The following ARHGEF7 variants were observed in gnomAD, a reference collection of about 807,000 sequenced individuals.
ARHGEF7 encodes the protein PAK-interacting exchange factor beta.
A neutral mutation model predicts 109.8 loss-of-function variants in ARHGEF7; 33 were observed. The observed-to-expected ratio is 0.30, with a 90% CI of 0.23 to 0.40. ARHGEF7 has a LOEUF of 0.40. ARHGEF7 is among the 10% of genes least tolerant of loss of function. ARHGEF7 has a pLI of 1.00. For synonymous variants in ARHGEF7, 458 were observed against 424.6 expected (o/e 1.08, Z -0.97); for missense variants, 938 against 1,098.5 (o/e 0.85, Z 2.07).
rs16941356 is a variant in ARHGEF7, at chr13:111,153,472, G to A, written c.166-433G>A. Among the ~76,000 whole-genome samples, 154 of 152,290 alleles carry A rather than the reference G, an allele frequency of 1.0e-3. 3 individuals are homozygous for A. In the East Asian group the frequency reaches 0.026, roughly 26 times the overall value. ...AGACTGGACAGGAGGAGGCGGCGGT[G>A]GCCGCGCGCGGGGCCAACCGGTGGG... On this transcript the variant is annotated intron_variant, in intron 1 of 21. Transcript: ENST00000646102.
At chr13:111,224,795 C>T (rs2084964428) in intron 5 of ARHGEF7, among the ~76,000 whole-genome samples, 2 of 152,130 alleles carry the variant, frequency 1.3e-5, no homozygotes, top group Non-Finnish European at 2.9e-5. Flanking sequence ...AAAAGTACCC[C>T]AGAACCTTGC....
chr13:111,239,552 T>C lies in ARHGEF7; in HGVS notation c.760-4320T>C, dbSNP rs191883054. Among the ~76,000 whole-genome samples the C allele has an allele frequency of 3.9e-5, 6 of 152,278 alleles. No homozygotes were observed. The highest frequency in any genetic ancestry group is 7.4e-5 in the Non-Finnish European group (5 of 68,014). On this transcript the variant is annotated intron_variant, in intron 6 of 21. Coordinates refer to ENST00000646102, the MANE Select transcript of ARHGEF7 (RefSeq NM_001354046.2). The surrounding 1 kb of genome is among the most constrained non-coding windows in gnomAD (Gnocchi z 4.3). Reference sequence around the variant, plus strand: ...GGCGTTGCTTCGTCTCTTCATCTTCTGCTTTGCCCTTGGCTTTTCTCCACC... The same window carrying C: ...GGCGTTGCTTCGTCTCTTCATCTTCCGCTTTGCCCTTGGCTTTTCTCCACC...
intron 4 of ARHGEF7, among the ~76,000 whole-genome samples, chr13:111,216,979 G>C (rs2083230146): frequency 6.6e-6 from 1 of 152,236 alleles, no homozygotes; most frequent in Non-Finnish European, 1.5e-5. Flanking sequence ...ACTGTTTCTT[G>C]TCAGTTTGGC....
intron 2 of ARHGEF7, among the ~76,000 whole-genome samples, chr13:111,173,028 G>GA (rs2077746964): frequency 6.6e-6 from 1 of 152,164 alleles, no homozygotes; most frequent in Non-Finnish European, 1.5e-5. Flanking sequence ...AAAAGTATAT[G>GA]AAAAAACCAT....
chr13:111,147,749 G>C (rs1024011092), intron 1 of ARHGEF7, among the ~76,000 whole-genome samples: 3 of 138,606 alleles, frequency 2.2e-5, no homozygotes, highest in Admixed American at 7.9e-5. Flanking sequence ...CCAGGCTGGA[G>C]TGCAGTGGCG....
At chr13:111,235,382 G>A (rs756170251) in intron 6 of ARHGEF7, among the ~76,000 whole-genome samples, 3 of 151,886 alleles carry the variant, frequency 2.0e-5, no homozygotes, top group East Asian at 1.9e-4. Context: ...TACCTTTTTC[G>A]TTTTCCTTCT....
intron 6 of ARHGEF7, 109 bp downstream of exon 6, chr13:111,233,402 T>C (rs1403755332): frequency 1.2e-6 from 1 of 841,330 alleles, no homozygotes; most frequent in Non-Finnish European, 2.0e-6. Context: ...GGAAATAAAG[T>C]TCATTCATCT....
At chr13:111,269,085 TG>T (rs2091915362) in intron 9 of ARHGEF7, among the ~76,000 whole-genome samples, 1 of 152,192 alleles carries the variant, frequency 6.6e-6, no homozygotes, top group African/African-American at 2.4e-5. Context: ...ACGTCCCGCT[TG>T]GGAGCGTGGG....
rs770804457 is a variant in ARHGEF7, at chr13:111,301,532, G to A, written c.2466G>A (p.Gln822=). The stretch of plus-strand genomic sequence containing the variant: ...AGGATGAAGTTCAAGAATTAAGACA[G>A]GTACGTCATAATCCATCTTTAAATC... ...ALKDEVQELR[Q]DNKKMKKSLE... is the part of the protein sequence containing the mutation. The change falls in exon 21 of 22, where the codon CAG becomes CAA. Residue 822 remains glutamine, a splice_region_variant and synonymous_variant. Transcript: ENST00000646102. 8.7e-6 allele frequency: 14 copies of A among 1,603,458 alleles called. No individual in the cohort carries two copies. In the East Asian group the frequency reaches 8.9e-5, roughly 10 times the overall value.
chr13:111,294,907 A>G lies in ARHGEF7; in HGVS notation c.2311+2613A>G, dbSNP rs1042995925. On this transcript the variant is annotated intron_variant, in intron 19 of 21. Coordinates refer to ENST00000646102, the MANE Select transcript of ARHGEF7 (RefSeq NM_001354046.2). ...GCTTGCCACAAGTATATAATAAGCTATATTAATTGTGTTTTGCATAAAATT... is the reference window on the plus strand; with the variant it reads ...GCTTGCCACAAGTATATAATAAGCTGTATTAATTGTGTTTTGCATAAAATT... The G allele has an allele frequency of 5.1e-6, 5 of 985,746 alleles. No homozygotes were observed. In the African/African-American group the frequency reaches 8.7e-5, roughly 17 times the overall value. 61.1% of individuals were successfully genotyped at this position (985,746 alleles called of 1,614,324 possible). A position where few individuals can be genotyped will look rare whatever the true frequency, so the allele number is the denominator to read the frequency against.
chr13:111,173,469 C>T (rs752101305), intron 2 of ARHGEF7, among the ~76,000 whole-genome samples: 5 of 152,212 alleles, frequency 3.3e-5, no homozygotes, highest in East Asian at 1.9e-4. Context: ...GCTCCACCTT[C>T]GTACCTACTT....
At chr13:111,256,013 T>A (rs2090378181) in intron 8 of ARHGEF7, among the ~76,000 whole-genome samples, 1 of 152,208 alleles carries the variant, frequency 6.6e-6, no homozygotes, top group Non-Finnish European at 1.5e-5. Context: ...ATTTTAATTA[T>A]TTTTTTCCTA....
intron 9 of ARHGEF7, among the ~76,000 whole-genome samples, chr13:111,271,018 A>C (rs2092100030): frequency 6.6e-6 from 1 of 152,204 alleles, no homozygotes; most frequent in Non-Finnish European, 1.5e-5. Flanking sequence ...TCCACATAGC[A>C]GGGGTCCGCC....
intron 1 of ARHGEF7, among the ~76,000 whole-genome samples, chr13:111,149,609 G>A (rs1350240862): frequency 6.6e-6 from 1 of 152,128 alleles, no homozygotes; most frequent in Non-Finnish European, 1.5e-5. Context: ...GTGTATTTTT[G>A]TTTGAAGATA....
rs576044714 is a variant in ARHGEF7 at position 111,268,069 on chromosome 13, C to T, written c.1073+399C>T. On this transcript the variant is annotated intron_variant, in intron 9 of 21. Coordinates refer to ENST00000646102, the MANE Select transcript of ARHGEF7 (RefSeq NM_001354046.2). ...TTCAGATTAATACAGGTTTTATACA[C>T]AAAACATTACATTGGAGACCCTTAG... Among the ~76,000 whole-genome samples the T allele has an allele frequency of 3.3e-5, 5 of 152,294 alleles. No individual in the cohort carries two copies. In the East Asian group the frequency reaches 9.6e-4, roughly 29 times the overall value.
At chr13:111,284,642 G>T (rs1333257714) in intron 16 of ARHGEF7, among the ~76,000 whole-genome samples, 1 of 152,182 alleles carries the variant, frequency 6.6e-6, no homozygotes, top group African/African-American at 2.4e-5. Flanking sequence ...TTTTTGATAA[G>T]TCTGGCTGCA....
chr13:111,203,583 G>A (rs562733638), intron 2 of ARHGEF7, among the ~76,000 whole-genome samples: 9 of 152,286 alleles, frequency 5.9e-5, no homozygotes, highest in Non-Finnish European at 8.8e-5. Context: ...TTCCTTTTAC[G>A]TTTTGTGGTT....
chr13:111,166,931 A>G (rs2077177284), intron 2 of ARHGEF7, among the ~76,000 whole-genome samples: 2 of 152,128 alleles, frequency 1.3e-5, no homozygotes, highest in Admixed American at 1.3e-4. Flanking sequence ...TGCTGTGGGG[A>G]GGAGGACATC....
At chr13:111,167,877 C>T (rs1369956963) in intron 2 of ARHGEF7, among the ~76,000 whole-genome samples, 1 of 152,182 alleles carries the variant, frequency 6.6e-6, no homozygotes, top group East Asian at 1.9e-4. Context: ...GGGCAGCACA[C>T]CAGAGCGTGA....
Sources: allele counts gnomAD v4.1 joint callset (sites outside exome capture counted in the v4.1 genomes callset), GRCh38; gene constraint gnomAD v4.1.1; non-coding constraint Gnocchi (gnomAD v3.1); transcripts MANE v1.5; gene names NCBI Gene and HGNC (gene_info 2026-07-23, HGNC 2026-07-21).